MYH10: variants seen among roughly 807,000 people sequenced by gnomAD.
MYH10 encodes the protein myosin heavy chain 10.
Under a neutral mutation model 257.8 loss-of-function variants are expected in MYH10, and 55 were observed. The ratio of observed to expected loss-of-function variants is 0.21; its 90% CI spans 0.17 to 0.27. The LOEUF (loss-of-function observed/expected upper bound fraction) is 0.27, where lower values mean the gene tolerates loss of function less well. Among genes scored for constraint, MYH10 ranks in the 10% least tolerant of loss-of-function variants. The pLI, the probability that MYH10 is intolerant of heterozygous loss-of-function variation, is 1.00. For synonymous variants in MYH10, 854 were observed against 921.7 expected (o/e 0.93, Z 1.33); for missense variants, 1,631 against 2,500.6 (o/e 0.65, Z 7.42).
intron 1 of MYH10, among the ~76,000 whole-genome samples, chr17:8,628,989 C>T (rs973761734): frequency 2.6e-5 from 4 of 152,024 alleles, no homozygotes; most frequent in African/African-American, 9.7e-5. Flanking sequence ...CAGATAAGGA[C>T]GGGGAAGAAC....
At chr17:8,629,243 A>C (rs1453611001) in intron 1 of MYH10, among the ~76,000 whole-genome samples, 1 of 152,186 alleles carries the variant, frequency 6.6e-6, no homozygotes, top group Non-Finnish European at 1.5e-5. Context: ...AATCTCAGCA[A>C]AGCCAAAGTA....
At chr17:8,627,182 G>A (rs1436955740) in intron 1 of MYH10, among the ~76,000 whole-genome samples, 1 of 151,982 alleles carries the variant, frequency 6.6e-6, no homozygotes, top group Non-Finnish European at 1.5e-5. Flanking sequence ...TCTTTACTGG[G>A]TAGTAGGATT....
chr17:8,493,756 G>A lies in MYH10; in HGVS notation c.4186C>T (p.Gln1396Ter), dbSNP rs1199986986. The change falls in exon 32 of 43, where the codon CAA becomes TAA. Residue 1396 changes from glutamine (Q) to a stop codon, truncating the protein, a stop_gained. Coordinates refer to ENST00000360416, the MANE Select transcript of MYH10 (RefSeq NM_001256012.3). LOFTEE classifies it high-confidence loss of function. ...ACCTGGGACTGCAGGGCCAGCACTT[G>A]CTTCTCCAGGTTCTTCCTGGCCTCC... is the stretch of plus-strand genomic sequence containing the variant. ...EEEARKNLEK[Q>*]VLALQSQLAD... 6.2e-7 allele frequency: 1 copy of A among 1,613,854 alleles called. No homozygotes were observed. The highest frequency in any genetic ancestry group is 8.5e-7 in the Non-Finnish European group (1 of 1,179,930).
chr17:8,509,839 G>T lies in MYH10; in HGVS notation c.3063C>A (p.Leu1021=). Residue 1021 remains leucine (L), a synonymous_variant, in exon 25 of 43, where the codon CTC becomes CTA. Coordinates refer to ENST00000360416, the MANE Select transcript of MYH10 (RefSeq NM_001256012.3). Reference sequence around the variant, plus strand: ...TGATGAACTTGGAATTTTGGTCCTCGAGAAGCAGAATCTCCTCTTCCATCT... The same window carrying T: ...TGATGAACTTGGAATTTTGGTCCTCTAGAAGCAGAATCTCCTCTTCCATCT... ...IKKMEEEILL[L]EDQNSKFIKE... 1 of 1,608,622 alleles carries T rather than the reference G, an allele frequency of 6.2e-7. No individual in the cohort carries two copies. Among genetic ancestry groups the T allele is most frequent in the Non-Finnish European group, 8.5e-7 (1 of 1,177,734 alleles).
intron 20 of MYH10, 44 bp from the exon 21 acceptor site, chr17:8,518,835 G>C: frequency 6.2e-7 from 1 of 1,602,256 alleles, no homozygotes; most frequent in Non-Finnish European, 8.5e-7. Flanking sequence ...CTACAAGAAA[G>C]ATTAGATTAA....
chr17:8,479,747 G>A (rs1056757536), intron 40 of MYH10, among the ~76,000 whole-genome samples: 1 of 152,238 alleles, frequency 6.6e-6, no homozygotes. Flanking sequence ...ATGGGGAGAA[G>A]AAAGGCTCTG....
At chr17:8,592,816 GAAAAAAAAAAAA>G (rs67151329) in intron 3 of MYH10, among the ~76,000 whole-genome samples, 2 of 30,418 alleles carry the variant, frequency 6.6e-5, no homozygotes, top group East Asian at 1.4e-3. Context: ...AATGAAATCA[GAAAAAAAAAAAA>G]AAAAAAAAAA....
chr17:8,569,665 AAACATTT>A lies in MYH10; in HGVS notation c.756+48_756+54del, dbSNP rs1474016247. 3.6e-5 allele frequency: 46 copies of A among 1,271,976 alleles called. No homozygotes were observed. The African/African-American group carries it at 6.8e-4, about 19-fold the overall frequency. The allele number at this position is 1,271,976 out of a possible 1,614,324, so 78.8% of individuals were successfully genotyped here. A position where few individuals can be genotyped will look rare whatever the true frequency, so the allele number is the denominator to read the frequency against. ...AGTAATTCATTTGCTTAATCACAGT[AAACATTT>A]AACTAGAAATCTAAGGAATTAAAAG... On this transcript the variant is annotated intron_variant, in intron 7 of 42. Coordinates refer to ENST00000360416, the MANE Select transcript of MYH10 (RefSeq NM_001256012.3). The surrounding 1 kb of genome is among the most constrained non-coding windows in gnomAD (Gnocchi z 4.1).
chr17:8,541,151 C>T (rs1432450166), intron 14 of MYH10, among the ~76,000 whole-genome samples: 1 of 152,210 alleles, frequency 6.6e-6, no homozygotes, highest in Non-Finnish European at 1.5e-5. Flanking sequence ...CTCCTCCTGA[C>T]TGCAGGTACT....
chr17:8,489,666 T>A (rs1915423687), intron 35 of MYH10, among the ~76,000 whole-genome samples: 1 of 141,036 alleles, frequency 7.1e-6, no homozygotes, highest in Non-Finnish European at 1.5e-5. Context: ...ATCGTGCCAC[T>A]GCACTCCAGC....
intron 7 of MYH10, 111 bp from the exon 8 acceptor site, chr17:8,554,129 T>C: frequency 1.4e-6 from 1 of 696,328 alleles, no homozygotes; most frequent in Non-Finnish European, 2.5e-6. Flanking sequence ...CAATAATGGA[T>C]CTTATATATT....
At chr17:8,521,371 A>T in intron 17 of MYH10, 86 bp from the exon 18 acceptor site, 1 of 1,407,660 alleles carries the variant, frequency 7.1e-7, no homozygotes, top group Non-Finnish European at 9.9e-7. Context: ...GTGCAGCAGC[A>T]CAAGCTTTGT....
rs746238120 is a variant in MYH10, at chr17:8,552,032, C to T, written c.919+14G>A. On this transcript the variant is annotated intron_variant, in intron 9 of 42. Transcript: ENST00000360416. This position sits in a 1 kb window ranked among gnomAD's most constrained non-coding sequence, Gnocchi z 4.8. ...TCCAGTGAATATAAAATAGTAAAAA[C>T]CTTTGTAACTTACACTTTAGGTGTT... The T allele has an allele frequency of 1.1e-4, 157 of 1,390,590 alleles. No homozygotes were observed. The highest frequency in any genetic ancestry group is 5.6e-4 in the Middle Eastern group (3 of 5,392). 86.1% of individuals were successfully genotyped at this position (1,390,590 alleles called of 1,614,324 possible). A position where few individuals can be genotyped will look rare whatever the true frequency, so the allele number is the denominator to read the frequency against.
chr17:8,630,131 C>T lies in MYH10; in HGVS notation c.-32+523G>A, dbSNP rs982925276. 2.0e-5 allele frequency among the ~76,000 whole-genome samples: 3 copies of T among 152,042 alleles called. 1 individual carries two copies. The highest frequency in any genetic ancestry group is 2.9e-5 in the Non-Finnish European group (2 of 67,906). On this transcript the variant is annotated intron_variant, in intron 1 of 42. Coordinates refer to ENST00000360416, the MANE Select transcript of MYH10 (RefSeq NM_001256012.3). ...GGGCCCTTCCTGCCCAGCGCCCCCC[C>T]ACCCTACCGCCGGGACTGCGCTTTC...
intron 31 of MYH10, among the ~76,000 whole-genome samples, chr17:8,494,339 G>T (rs1296064539): frequency 6.6e-6 from 1 of 152,194 alleles, no homozygotes; most frequent in Non-Finnish European, 1.5e-5. Flanking sequence ...CTTCTAAAAT[G>T]TAAGCACAAA....
chr17:8,542,850 T>C (rs763045998), intron 13 of MYH10, among the ~76,000 whole-genome samples: 40 of 152,184 alleles, frequency 2.6e-4, no homozygotes, highest in Non-Finnish European at 4.3e-4. Flanking sequence ...GCACATGGAA[T>C]GCGCTTAGTA....
chr17:8,476,980 C>T lies in MYH10; in HGVS notation c.5775G>A (p.Thr1925=), dbSNP rs183489368. Reference sequence around the variant, plus strand: ...GTTTACGCCGAGATGCGTTGGCACGCGTCGCTTCTTCTTCTGCTTCCTCCA... The same window carrying T: ...GTTTACGCCGAGATGCGTTGGCACGTGTCGCTTCTTCTTCTGCTTCCTCCA... ...RQLEEAEEEA[T]RANASRRKLQ... is the part of the protein sequence containing the mutation. Residue 1925 remains threonine, a synonymous_variant, in exon 42 of 43, where the codon ACG becomes ACA. Coordinates refer to ENST00000360416, the MANE Select transcript of MYH10 (RefSeq NM_001256012.3). The T allele has an allele frequency of 1.7e-4, 278 of 1,614,192 alleles. 1 individual carries two copies. Among genetic ancestry groups the T allele is most frequent in the Middle Eastern group, 1.3e-3 (8 of 6,062 alleles).
chr17:8,493,890 GT>G lies in MYH10; in HGVS notation c.4057-6del, dbSNP rs749707698. ...TGTCTCCTCCTGAAGAAGCTCCTGT[GT>G]TTTTTTTTTAAAGGGCAACACTTCC... On this transcript the variant is annotated splice_region_variant and splice_polypyrimidine_tract_variant and intron_variant, in intron 31 of 42. Transcript: ENST00000360416. 376 of 1,427,854 alleles carry G rather than the reference GT, an allele frequency of 2.6e-4. No homozygotes were observed. Among genetic ancestry groups the G allele is most frequent in the Admixed American group, 6.9e-4 (33 of 47,756 alleles). 88.4% of individuals were successfully genotyped at this position (1,427,854 alleles called of 1,614,324 possible).
In MYH10 at chr17:8,477,700, T is replaced by A. The variant is rs2151762351; in HGVS notation, c.5706+638A>T. On this transcript the variant is annotated intron_variant, in intron 41 of 42. Coordinates refer to ENST00000360416, the MANE Select transcript of MYH10 (RefSeq NM_001256012.3). The surrounding 1 kb of genome is among the most constrained non-coding windows in gnomAD (Gnocchi z 4.2). ...CTGAATGAATGAAGTTGGGGAGGGTTCGGGCCAAAGGCAGTGAAATCCTCA... is the reference window on the plus strand; with the variant it reads ...CTGAATGAATGAAGTTGGGGAGGGTACGGGCCAAAGGCAGTGAAATCCTCA... Among the ~76,000 whole-genome samples, 1 of 152,196 alleles carries A rather than the reference T, an allele frequency of 6.6e-6. No homozygotes were observed. The highest frequency in any genetic ancestry group is 1.9e-4 in the East Asian group (1 of 5,178).
Sources: allele counts gnomAD v4.1 joint callset (sites outside exome capture counted in the v4.1 genomes callset), GRCh38; gene constraint gnomAD v4.1.1; non-coding constraint Gnocchi (gnomAD v3.1); transcripts MANE v1.5; gene names NCBI Gene and HGNC (gene_info 2026-07-23, HGNC 2026-07-21).